CNST: variants seen among roughly 807,000 people sequenced by gnomAD.
CNST encodes the protein consortin.
CNST carries 39 observed loss-of-function variants against 72.4 expected under a neutral mutation model. The ratio of observed to expected loss-of-function variants is 0.54; its 90% CI spans 0.42 to 0.70. The LOEUF (loss-of-function observed/expected upper bound fraction) is 0.70. CNST is among the 30% of genes least tolerant of loss of function. The pLI is 0.00. For synonymous variants in CNST, 332 were observed against 320.1 expected (o/e 1.04, Z -0.40); for missense variants, 871 against 868.5 (o/e 1.00, Z -0.04).
At chr1:246,653,415 AAGAGGGTCT>A (rs1666599600) in intron 9 of CNST, among the ~76,000 whole-genome samples, 1 of 152,214 alleles carries the variant, frequency 6.6e-6, no homozygotes, top group Admixed American at 6.5e-5. Context: ...TCCGGAACAA[AAGAGGGTCT>A]TAGAAACAGC....
In CNST at chr1:246,666,058, A is replaced by G; in HGVS notation, c.*153A>G. On this transcript the variant is annotated 3_prime_UTR_variant, in exon 11 of 11. Coordinates refer to ENST00000366513, the MANE Select transcript of CNST (RefSeq NM_152609.3). ...GCAACTTTAAGTGGCAAGCCGGAGG[A>G]ACTCTGTTAGAATAATCCACACAGT... is the stretch of plus-strand genomic sequence containing the variant. 1.7e-6 allele frequency: 1 copy of G among 604,614 alleles called. No individual in the cohort carries two copies. Among genetic ancestry groups the G allele is most frequent in the Non-Finnish European group, 2.9e-6 (1 of 341,976 alleles). 37.5% of individuals were successfully genotyped at this position (604,614 alleles called of 1,614,324 possible). A position where few individuals can be genotyped will look rare whatever the true frequency, so the allele number is the denominator to read the frequency against.
chr1:246,648,199 T>C lies in CNST; in HGVS notation c.1836+162T>C, dbSNP rs184963942. ...ATTATTAGTAGTTTTTACATTTGTA[T>C]GTATTGAATAAAATGACTTTTAATC... On this transcript the variant is annotated intron_variant, in intron 9 of 10. Coordinates refer to ENST00000366513, the MANE Select transcript of CNST (RefSeq NM_152609.3). 1.8e-5 allele frequency: 25 copies of C among 1,407,602 alleles called. No individual in the cohort carries two copies. The East Asian group carries it at 5.9e-4, about 33-fold the overall frequency. 87.2% of individuals were successfully genotyped at this position (1,407,602 alleles called of 1,614,324 possible). A position where few individuals can be genotyped will look rare whatever the true frequency, so the allele number is the denominator to read the frequency against.
Position 246,591,793 on chromosome 1 carries a change from G to T in CNST, c.231G>T (p.Leu77Phe), listed in dbSNP as rs2103025943. 6.2e-7 allele frequency: 1 copy of T among 1,614,056 alleles called. No individual in the cohort carries two copies. Among genetic ancestry groups the T allele is most frequent in the South Asian group, 1.1e-5 (1 of 91,080 alleles). The change falls in exon 2 of 11, where the codon TTG (leucine) becomes TTT (phenylalanine). Residue 77 changes from leucine to phenylalanine, a missense_variant. Leu to Phe is a conservative substitution (Grantham distance 22). Transcript: ENST00000366513. Reference protein sequence around the residue: ...DSLNNNESCTLSCEVAAGENL... With the variant: ...DSLNNNESCTFSCEVAAGENL... ...TCAATAATAATGAAAGCTGCACATTGAGCTGCGAGGTGGCTGCAGGTGAGA... is the reference window on the plus strand; with the variant it reads ...TCAATAATAATGAAAGCTGCACATTTAGCTGCGAGGTGGCTGCAGGTGAGA...
chr1:246,614,493 C>T (rs1401779549), intron 2 of CNST, among the ~76,000 whole-genome samples: 2 of 147,398 alleles, frequency 1.4e-5, no homozygotes, highest in African/African-American at 5.0e-5. Flanking sequence ...CTTTCCAGTC[C>T]CCATTTTGAC....
intron 1 of CNST, among the ~76,000 whole-genome samples, chr1:246,580,514 G>T (rs4654294): frequency 0.41 from 62,588 of 151,798 alleles, 14,869 homozygotes; most frequent in Middle Eastern, 0.55. Context: ...ACTTATTCAG[G>T]AGGACTGGAA....
chr1:246,654,026 C>T (rs1020749981), intron 9 of CNST, among the ~76,000 whole-genome samples: 2 of 152,224 alleles, frequency 1.3e-5, no homozygotes, highest in Non-Finnish European at 2.9e-5. Flanking sequence ...TGATCGAACA[C>T]ACGGACTGTG....
intron 9 of CNST, among the ~76,000 whole-genome samples, chr1:246,652,972 C>A (rs1300686103): frequency 6.6e-6 from 1 of 151,508 alleles, no homozygotes; most frequent in Non-Finnish European, 1.5e-5. Context: ...CCACTGCACT[C>A]CAGCCTGGGC....
intron 6 of CNST, among the ~76,000 whole-genome samples, chr1:246,636,277 T>C (rs1034783422): frequency 6.6e-6 from 1 of 152,142 alleles, no homozygotes; most frequent in African/African-American, 2.4e-5. Context: ...ATCAGTCCAC[T>C]TGCGGGATAT....
In CNST at chr1:246,647,517, G is replaced by A; in HGVS notation, c.1316G>A (p.Cys439Tyr). The A allele has an allele frequency of 2.5e-6, 4 of 1,614,186 alleles. No homozygotes were observed. The highest frequency in any genetic ancestry group is 3.4e-6 in the Non-Finnish European group (4 of 1,180,036). ...SKTEPLISPG[C>Y]DRIPPALISE... is the part of the protein sequence containing the mutation. ...ACAGAGCCGTTGATTTCACCAGGCT[G>A]TGACCGTATACCTCCTGCATTGATT... Residue 439 changes from cysteine (C) to tyrosine (Y), a missense_variant, in exon 9 of 11, where the codon TGT becomes TAT. Transcript: ENST00000366513.
intron 2 of CNST, among the ~76,000 whole-genome samples, chr1:246,602,775 T>C (rs1662381083): frequency 6.6e-6 from 1 of 152,196 alleles, no homozygotes; most frequent in Non-Finnish European, 1.5e-5. Flanking sequence ...CCCGTGAGAA[T>C]GTAATGGCAA....
At chr1:246,660,095 C>G in intron 9 of CNST, 104 bp from the exon 10 acceptor site, 1 of 897,386 alleles carries the variant, frequency 1.1e-6, no homozygotes, top group Non-Finnish European at 1.7e-6. Flanking sequence ...TTGGATACCC[C>G]TGTAATAAAA....
At chr1:246,593,491 C>T (rs1661681844) in intron 2 of CNST, among the ~76,000 whole-genome samples, 1 of 151,986 alleles carries the variant, frequency 6.6e-6, no homozygotes, top group Non-Finnish European at 1.5e-5. Context: ...CAGGTGTGCA[C>T]CACCATGCCC....
At position 246,651,647 on chromosome 1, in the gene CNST, G is replaced by T. The variant is rs1450916557; in HGVS notation, c.1836+3610G>T. The stretch of plus-strand genomic sequence containing the variant: ...ATTTATATAGTGACATGTATAAAGG[G>T]AACTTGTCTAGGTTTGGAAAGCTTT... On this transcript the variant is annotated intron_variant, in intron 9 of 10. Coordinates refer to ENST00000366513, the MANE Select transcript of CNST (RefSeq NM_152609.3). Among the ~76,000 whole-genome samples, 4 of 152,130 alleles carry T rather than the reference G, an allele frequency of 2.6e-5. No individual in the cohort carries two copies. The East Asian group carries it at 7.7e-4, about 29-fold the overall frequency.
intron 2 of CNST, chr1:246,605,896 G>A (rs1461609003): frequency 1.3e-5 from 2 of 151,690 alleles, no homozygotes; most frequent in East Asian, 2.0e-4. Flanking sequence ...TCGCTGACGC[G>A]CGCTGCTGGT....
rs1208069467 is a variant in CNST, at chr1:246,668,530, A to G, written c.*2625A>G. 2 of 152,218 alleles carry G rather than the reference A, an allele frequency of 1.3e-5. No homozygotes were observed. The highest frequency in any genetic ancestry group is 2.9e-5 in the Non-Finnish European group (2 of 68,036). 9.4% of individuals were successfully genotyped at this position (152,218 alleles called of 1,614,324 possible). On this transcript the variant is annotated 3_prime_UTR_variant, in exon 11 of 11. Coordinates refer to ENST00000366513, the MANE Select transcript of CNST (RefSeq NM_152609.3). Reference sequence around the variant, plus strand: ...CCCCATCTGCTGACAGTAGCTGAAGATTATTCTAAACATTCATTCTTTTAG... The same window carrying G: ...CCCCATCTGCTGACAGTAGCTGAAGGTTATTCTAAACATTCATTCTTTTAG...
Position 246,591,918 on chromosome 1 carries a change from G to C in CNST, c.356G>C (p.Gly119Ala). The C allele has an allele frequency of 5.0e-6, 8 of 1,613,092 alleles. No individual in the cohort carries two copies. The highest frequency in any genetic ancestry group is 5.1e-6 in the Non-Finnish European group (6 of 1,179,688). Reference protein sequence around the residue: ...PGKRSPRSKKGTAKKIPPGLF... With the variant: ...PGKRSPRSKKATAKKIPPGLF... Reference sequence around the variant, plus strand: ...AAAAGAAGTCCAAGAAGCAAAAAAGGGACTGCTAAGAAGATACCACCAGGT... The same window carrying C: ...AAAAGAAGTCCAAGAAGCAAAAAAGCGACTGCTAAGAAGATACCACCAGGT... Residue 119 changes from glycine to alanine, a missense_variant, in exon 2 of 11, where the codon GGG (glycine) becomes GCG (alanine). Gly to Ala is a moderately conservative substitution (Grantham distance 60). Coordinates refer to ENST00000366513, the MANE Select transcript of CNST (RefSeq NM_152609.3).
At chr1:246,588,299 T>C (rs1466356235) in intron 1 of CNST, among the ~76,000 whole-genome samples, 2 of 152,120 alleles carry the variant, frequency 1.3e-5, no homozygotes, top group Non-Finnish European at 2.9e-5. Context: ...ATTTGGAATA[T>C]GGGGAAGTAC....
At chr1:246,577,537 G>T (rs1328025380) in intron 1 of CNST, among the ~76,000 whole-genome samples, 1 of 152,004 alleles carries the variant, frequency 6.6e-6, no homozygotes, top group Admixed American at 6.5e-5. Flanking sequence ...GTAAAACAAT[G>T]AGTTTTAAAA....
rs1491252940 is a variant in CNST, at chr1:246,642,132, G to GTTTTTTTTTTT, written c.937+95_937+96insTTTTTTTTTTT. The GTTTTTTTTTTT allele has an allele frequency of 4.2e-4, 83 of 198,340 alleles. 10 individuals are homozygous for GTTTTTTTTTTT. The highest frequency in any genetic ancestry group is 4.1e-3 in the African/African-American group (77 of 18,816). 12.3% of individuals were successfully genotyped at this position (198,340 alleles called of 1,614,324 possible). A position where few individuals can be genotyped will look rare whatever the true frequency, so the allele number is the denominator to read the frequency against. ...ACATCTGAATTGCTGCAAAGGATCT[G>GTTTTTTTTTTT]GTTTTTTTTTTTTTTTTTTTTTGCA... On this transcript the variant is annotated intron_variant, in intron 8 of 10. Coordinates refer to ENST00000366513, the MANE Select transcript of CNST (RefSeq NM_152609.3).
Sources: gnomAD v4.1 joint callset for allele counts (sites outside exome capture counted in the v4.1 genomes callset) on GRCh38, gnomAD v4.1.1 for gene constraint, MANE v1.5 for transcripts, NCBI Gene and HGNC (gene_info 2026-07-23, HGNC 2026-07-21) for gene names.